The following RBMS3 variants were observed in gnomAD, a reference collection of about 807,000 sequenced individuals.
RBMS3 encodes RNA binding motif single stranded interacting protein 3.
Under a neutral mutation model 66.8 loss-of-function variants are expected in RBMS3, and 27 were observed. That is an observed-to-expected ratio of 0.40 (90% confidence interval 0.30 to 0.56). The LOEUF is 0.56. Among genes scored for constraint, RBMS3 ranks in the 20% least tolerant of loss-of-function variants. RBMS3 has a pLI of 0.40. For synonymous variants in RBMS3, 188 were observed against 183.0 expected (o/e 1.03, Z -0.22); for missense variants, 513 against 549.5 (o/e 0.93, Z 0.66).
At chr3:29,478,040 A>T (rs1319639463) in intron 2 of RBMS3, among the ~76,000 whole-genome samples, 1 of 152,116 alleles carries the variant, frequency 6.6e-6, no homozygotes, top group Non-Finnish European at 1.5e-5. Context: ...AAGTGCTGGG[A>T]TTACAGGTGT....
chr3:29,491,463 A>G (rs1273011105), intron 3 of RBMS3, among the ~76,000 whole-genome samples: 2 of 152,216 alleles, frequency 1.3e-5, no homozygotes, highest in Non-Finnish European at 2.9e-5. Flanking sequence ...TGTGAACATT[A>G]CATATTAATA....
chr3:29,382,209 G>A (rs1575666945), intron 1 of RBMS3, among the ~76,000 whole-genome samples: 1 of 151,858 alleles, frequency 6.6e-6, no homozygotes, highest in Non-Finnish European at 1.5e-5. Context: ...TTCCCATGTT[G>A]TCTTAGTCAA....
chr3:29,552,761 T>C (rs1303694120), intron 3 of RBMS3, among the ~76,000 whole-genome samples: 1 of 152,156 alleles, frequency 6.6e-6, no homozygotes. Flanking sequence ...CAAATGGAAA[T>C]GGTGAACACA....
intron 2 of RBMS3, among the ~76,000 whole-genome samples, chr3:29,454,966 A>G (rs2042133311): frequency 6.6e-6 from 1 of 152,196 alleles, no homozygotes; most frequent in South Asian, 2.1e-4. Flanking sequence ...CAACGTCAAA[A>G]TAGCACATTG....
intron 3 of RBMS3, among the ~76,000 whole-genome samples, chr3:29,500,938 A>G (rs1317702086): frequency 6.6e-6 from 1 of 152,132 alleles, no homozygotes; most frequent in Non-Finnish European, 1.5e-5. Context: ...AGATTTACCT[A>G]AAAGTTTATA....
At chr3:29,342,417 T>A (rs1559502028) in intron 1 of RBMS3, among the ~76,000 whole-genome samples, 1 of 152,210 alleles carries the variant, frequency 6.6e-6, no homozygotes, top group African/African-American at 2.4e-5. Context: ...ATGCTAAAAA[T>A]TAATTTACCT....
intron 1 of RBMS3, among the ~76,000 whole-genome samples, chr3:29,364,283 T>TA (rs1222710248): frequency 6.6e-6 from 1 of 152,134 alleles, no homozygotes; most frequent in African/African-American, 2.4e-5. Flanking sequence ...TACAATTGCA[T>TA]AAAAACATTA....
chr3:29,432,007 C>T (rs748198236), intron 1 of RBMS3, among the ~76,000 whole-genome samples: 34 of 152,114 alleles, frequency 2.2e-4, no homozygotes, highest in South Asian at 4.1e-4. Flanking sequence ...GGATTACAGG[C>T]GTGAACCATA....
At chr3:30,001,764 TTA>T (rs1226702170) in intron 14 of RBMS3, among the ~76,000 whole-genome samples, 1 of 146,804 alleles carries the variant, frequency 6.8e-6, no homozygotes, top group Non-Finnish European at 1.5e-5. Flanking sequence ...TGTTTTCAAG[TTA>T]TTTCTTTTTA....
chr3:29,357,512 T>C (rs565209177), intron 1 of RBMS3, among the ~76,000 whole-genome samples: 1 of 152,200 alleles, frequency 6.6e-6, no homozygotes, highest in Non-Finnish European at 1.5e-5. Context: ...TAAACATACA[T>C]GTGCATGTGT....
At chr3:29,573,947 T>A (rs945604213) in intron 3 of RBMS3, among the ~76,000 whole-genome samples, 3 of 152,240 alleles carry the variant, frequency 2.0e-5, no homozygotes, top group African/African-American at 7.2e-5. Context: ...TTCCATTTTT[T>A]AAATGTTTTA....
At chr3:29,932,755 AT>A (rs1293796467) in intron 10 of RBMS3, among the ~76,000 whole-genome samples, 3 of 152,172 alleles carry the variant, frequency 2.0e-5, no homozygotes, top group Non-Finnish European at 2.9e-5. Context: ...TCTTTCAAAC[AT>A]TGGCAGAAGG....
chr3:29,902,332 C>T (rs2060274876), intron 10 of RBMS3, among the ~76,000 whole-genome samples: 1 of 151,814 alleles, frequency 6.6e-6, no homozygotes, highest in Non-Finnish European at 1.5e-5. Flanking sequence ...TCTCATTATG[C>T]TTTAAATTAT....
rs1017607300 is a variant in RBMS3 at position 29,783,738 on chromosome 3, A to G, written c.637+20749A>G. On this transcript the variant is annotated intron_variant, in intron 6 of 14. Transcript: ENST00000383767. ...GTAAGTGGCCTAAATGGTCCACTTA[A>G]AAGATACAGAATGGCAGAATGGATA... Among the ~76,000 whole-genome samples the G allele has an allele frequency of 9.8e-5, 15 of 152,316 alleles. No individual in the cohort carries two copies. In the South Asian group the frequency reaches 1.7e-3, roughly 17 times the overall value.
chr3:29,660,359 C>T (rs1345521217), intron 4 of RBMS3, among the ~76,000 whole-genome samples: 1 of 152,200 alleles, frequency 6.6e-6, no homozygotes, highest in Non-Finnish European at 1.5e-5. Context: ...CACAACCACC[C>T]TTGCACTCTT....
chr3:29,422,315 C>A (rs2040776976), intron 1 of RBMS3, among the ~76,000 whole-genome samples: 1 of 142,242 alleles, frequency 7.0e-6, no homozygotes, highest in South Asian at 2.2e-4. Flanking sequence ...TAAAAAAGGA[C>A]AATAGCAATT....
chr3:29,924,500 T>C lies in RBMS3; in HGVS notation c.940-11586T>C, dbSNP rs1046521899. 6.6e-5 allele frequency among the ~76,000 whole-genome samples: 10 copies of C among 152,080 alleles called. No individual in the cohort carries two copies. In the East Asian group the frequency reaches 1.7e-3, roughly 27 times the overall value. ...TTTCTACATCCATGAATGGCAGAGGTACACCACAAGAAGCAACTGGACTGG... is the reference window on the plus strand; with the variant it reads ...TTTCTACATCCATGAATGGCAGAGGCACACCACAAGAAGCAACTGGACTGG... On this transcript the variant is annotated intron_variant, in intron 10 of 14. Transcript: ENST00000383767.
In RBMS3 at chr3:29,768,581, C is replaced by T. The variant is rs79037148; in HGVS notation, c.637+5592C>T. Among the ~76,000 whole-genome samples the T allele has an allele frequency of 4.2e-3, 639 of 152,014 alleles. 15 individuals are homozygous for T. The highest frequency in any genetic ancestry group is 0.035 in the Admixed American group (530 of 15,216). On this transcript the variant is annotated intron_variant, in intron 6 of 14. Coordinates refer to ENST00000383767, the MANE Select transcript of RBMS3 (RefSeq NM_001003793.3). The stretch of plus-strand genomic sequence containing the variant: ...AGAAGCATCTTACCTTATGTATCCA[C>T]CTAGTTTCTTCACTTTTCCACCTCA...
chr3:29,548,485 G>A (rs1448747143), intron 3 of RBMS3, among the ~76,000 whole-genome samples: 2 of 151,180 alleles, frequency 1.3e-5, no homozygotes, highest in Admixed American at 6.6e-5. Flanking sequence ...GATGTAAGTA[G>A]GAATGCTTAT....
Sources: allele counts gnomAD v4.1 joint callset (sites outside exome capture counted in the v4.1 genomes callset), GRCh38; gene constraint gnomAD v4.1.1; transcripts MANE v1.5; gene names NCBI Gene and HGNC (gene_info 2026-07-23, HGNC 2026-07-21).